TTC28: variants seen among roughly 807,000 people sequenced by gnomAD.
The protein encoded by TTC28 is tetratricopeptide repeat domain 28, also known as tetratricopeptide repeat protein 28.
TTC28 carries 61 observed loss-of-function variants against 198.0 expected under a neutral mutation model. The ratio of observed to expected loss-of-function variants is 0.31; its 90% CI spans 0.25 to 0.38. The LOEUF (loss-of-function observed/expected upper bound fraction) is 0.38, where lower values mean the gene tolerates loss of function less well. TTC28 is among the 10% of genes least tolerant of loss of function. The probability of loss-of-function intolerance (pLI) is 1.00; values close to 1 mark genes in which losing one functional copy is unlikely to be tolerated. For missense variants in TTC28, 2,678 were observed against 3,164.0 expected (o/e 0.85, Z 3.69); for synonymous variants, 1,171 against 1,297.8 (o/e 0.90, Z 2.10).
At chr22:28,075,383 CT>C (rs548949694) in intron 12 of TTC28, among the ~76,000 whole-genome samples, 12 of 151,610 alleles carry the variant, frequency 7.9e-5, no homozygotes, top group Admixed American at 1.3e-4. Context: ...GTGGCATCAA[CT>C]TTTTTTTTCC....
chr22:28,517,733 A>G (rs2048818722), intron 2 of TTC28, among the ~76,000 whole-genome samples: 1 of 152,220 alleles, frequency 6.6e-6, no homozygotes, highest in Non-Finnish European at 1.5e-5. Flanking sequence ...TCATAAAGTC[A>G]TTTAAATTTC....
intron 2 of TTC28, among the ~76,000 whole-genome samples, chr22:28,532,552 T>C (rs1175985952): frequency 3.3e-5 from 5 of 152,206 alleles, no homozygotes. Flanking sequence ...CCCTAACTCA[T>C]TTTATGAGGC....
In TTC28 at chr22:28,163,089, T is replaced by C; in HGVS notation, c.1441+3A>G. The stretch of plus-strand genomic sequence containing the variant: ...GGGCTCTTACAGGCAACCCTGTTCT[T>C]ACCTAGATTGGAGGATGCTCGCCCC... On this transcript the variant is annotated splice_donor_region_variant and intron_variant, in intron 6 of 22. Coordinates refer to ENST00000397906, the MANE Select transcript of TTC28 (RefSeq NM_001145418.2). The C allele has an allele frequency of 6.5e-7, 1 of 1,544,134 alleles. No individual in the cohort carries two copies. Among genetic ancestry groups the C allele is most frequent in the Non-Finnish European group, 8.7e-7 (1 of 1,143,114 alleles).
intron 6 of TTC28, among the ~76,000 whole-genome samples, chr22:28,118,051 T>C (rs1454537380): frequency 2.0e-5 from 3 of 152,166 alleles, no homozygotes; most frequent in African/African-American, 7.2e-5. Flanking sequence ...TCTCATATAA[T>C]CTATAATTAT....
intron 6 of TTC28, among the ~76,000 whole-genome samples, chr22:28,137,831 A>G (rs1170938434): frequency 2.0e-5 from 3 of 152,080 alleles, no homozygotes; most frequent in Non-Finnish European, 4.4e-5. Context: ...CCTAGCCAAA[A>G]TGGGGAAACC....
intron 2 of TTC28, among the ~76,000 whole-genome samples, chr22:28,378,501 C>T (rs1386683865): frequency 3.3e-5 from 5 of 150,460 alleles, no homozygotes; most frequent in African/African-American, 7.3e-5. Flanking sequence ...CTCTACAAAA[C>T]AATTAGCCAG....
At chr22:28,134,473 G>A (rs140427265) in intron 6 of TTC28, among the ~76,000 whole-genome samples, 22 of 152,272 alleles carry the variant, frequency 1.4e-4, no homozygotes, top group Non-Finnish European at 2.8e-4. Context: ...AAGATTAGAC[G>A]AATGGCTAAC....
At chr22:28,478,331 A>C (rs1474233970) in intron 2 of TTC28, among the ~76,000 whole-genome samples, 1 of 152,064 alleles carries the variant, frequency 6.6e-6, no homozygotes, top group Non-Finnish European at 1.5e-5. Context: ...AACACGGCGA[A>C]ACCCCACCTC....
rs752803951 is a variant in TTC28, at chr22:28,555,568, T to C, written c.381+73984A>G. Among the ~76,000 whole-genome samples, 2 of 152,332 alleles carry C rather than the reference T, an allele frequency of 1.3e-5. 1 individual carries two copies. The highest frequency in any genetic ancestry group is 4.2e-4 in the South Asian group (2 of 4,818). The stretch of plus-strand genomic sequence containing the variant: ...GCAACCTGAATGGAATTGGAGACTA[T>C]TATTCTAGGTGAAGTAACTCAGGAA... On this transcript the variant is annotated intron_variant, in intron 2 of 22. Coordinates refer to ENST00000397906, the MANE Select transcript of TTC28 (RefSeq NM_001145418.2).
chr22:28,305,075 C>T (rs2045112247), intron 3 of TTC28, among the ~76,000 whole-genome samples: 1 of 151,816 alleles, frequency 6.6e-6, no homozygotes, highest in Admixed American at 6.6e-5. Flanking sequence ...TGCGACCTCC[C>T]CGCCTCCCAG....
At chr22:28,548,776 T>A (rs1235554520) in intron 2 of TTC28, among the ~76,000 whole-genome samples, 1 of 152,200 alleles carries the variant, frequency 6.6e-6, no homozygotes, top group African/African-American at 2.4e-5. Context: ...GCCATTTTTC[T>A]CATCGGCTCA....
intron 5 of TTC28, among the ~76,000 whole-genome samples, chr22:28,253,882 A>G (rs1439796732): frequency 6.6e-6 from 1 of 152,038 alleles, no homozygotes; most frequent in Admixed American, 6.6e-5. Flanking sequence ...AGGTGGGTGG[A>G]TCACTTGAGA....
intron 2 of TTC28, among the ~76,000 whole-genome samples, chr22:28,472,129 A>T (rs1288767276): frequency 6.6e-6 from 1 of 152,196 alleles, no homozygotes; most frequent in East Asian, 1.9e-4. Flanking sequence ...GAAACACAAA[A>T]GAGCATCTAT....
intron 12 of TTC28, among the ~76,000 whole-genome samples, chr22:28,051,674 G>T (rs772685376): frequency 2.0e-5 from 3 of 152,156 alleles, no homozygotes; most frequent in African/African-American, 7.2e-5. Flanking sequence ...CTGTTGTCAC[G>T]TCATGAAAGC....
chr22:28,529,141 G>A (rs971050993), intron 2 of TTC28, among the ~76,000 whole-genome samples: 9 of 152,258 alleles, frequency 5.9e-5, no homozygotes, highest in Admixed American at 3.3e-4. Context: ...GCAAGGGGTT[G>A]GAGAATTCCC....
At chr22:28,030,129 G>T in intron 13 of TTC28, 97 bp downstream of exon 13, 1 of 1,478,080 alleles carries the variant, frequency 6.8e-7, no homozygotes, top group Non-Finnish European at 9.0e-7. Flanking sequence ...CGAGCCAGAA[G>T]CCTAACCAGC....
intron 2 of TTC28, among the ~76,000 whole-genome samples, chr22:28,334,140 T>C (rs112354486): frequency 0.036 from 5,418 of 152,078 alleles, 184 homozygotes; most frequent in East Asian, 0.16. Context: ...CTGAGAATGA[T>C]GGTTTCCAGC....
At chr22:28,670,681 C>CA (rs201625635) in intron 1 of TTC28, among the ~76,000 whole-genome samples, 1,463 of 134,514 alleles carry the variant, frequency 0.011, 13 homozygotes, top group Non-Finnish European at 0.015. Flanking sequence ...TTTGTGTGAA[C>CA]AATTGTTTTG....
intron 12 of TTC28, among the ~76,000 whole-genome samples, chr22:28,042,465 C>G (rs957817944): frequency 1.3e-5 from 2 of 152,016 alleles, no homozygotes; most frequent in Non-Finnish European, 2.9e-5. Context: ...TCATTCTAAG[C>G]AAACTATCGC....
Sources: gnomAD v4.1 joint callset for allele counts (sites outside exome capture counted in the v4.1 genomes callset) on GRCh38, gnomAD v4.1.1 for gene constraint, MANE v1.5 for transcripts, NCBI Gene and HGNC (gene_info 2026-07-23, HGNC 2026-07-21) for gene names.